Variants in TNFAIP8 observed in about 807,000 individuals in gnomAD.
TNFAIP8 encodes the protein tumor necrosis factor alpha-induced protein 8.
Under a neutral mutation model 13.3 loss-of-function variants are expected in TNFAIP8, and 7 were observed. That is an observed-to-expected ratio of 0.52 (90% CI 0.30 to 0.99). The LOEUF (loss-of-function observed/expected upper bound fraction) is 0.99. TNFAIP8 is among the 50% of genes least tolerant of loss of function. The pLI, the probability that TNFAIP8 is intolerant of heterozygous loss-of-function variation, is 0.07. For missense variants in TNFAIP8, 258 were observed against 236.9 expected (o/e 1.09, Z -0.58); for synonymous variants, 94 against 87.6 (o/e 1.07, Z -0.41).
chr5:119,362,925 A>T (rs886436293), intron 1 of TNFAIP8, among the ~76,000 whole-genome samples: 1 of 152,220 alleles, frequency 6.6e-6, no homozygotes, highest in Admixed American at 6.5e-5. Context: ...GAACCTGAGT[A>T]TAAGGAGCCT....
upstream of TNFAIP8, among the ~76,000 whole-genome samples, chr5:119,353,099 G>T (rs1751234649): frequency 6.6e-6 from 1 of 152,156 alleles, no homozygotes; most frequent in African/African-American, 2.4e-5. Flanking sequence ...TAACTTAGTT[G>T]CAATTTTGTA....
At chr5:119,335,323 C>A (rs1377560115) in intron 1 of TNFAIP8, among the ~76,000 whole-genome samples, 2 of 152,130 alleles carry the variant, frequency 1.3e-5, no homozygotes, top group African/African-American at 2.4e-5. Context: ...CTCCCCAAAT[C>A]ACATTAATTT....
intron 1 of TNFAIP8, chr5:119,306,359 A>G (rs1410849899): frequency 9.5e-6 from 1 of 105,180 alleles, no homozygotes; most frequent in African/African-American, 4.3e-5. Context: ...GGGTGTCTCT[A>G]TGTTTCCCAA....
chr5:119,320,849 C>A (rs1676439630), intron 1 of TNFAIP8, among the ~76,000 whole-genome samples: 1 of 151,966 alleles, frequency 6.6e-6, no homozygotes, highest in South Asian at 2.1e-4. Context: ...TGACTTTCTT[C>A]TTCATACTAC....
At chr5:119,379,854 A>G (rs965242875) in intron 1 of TNFAIP8, among the ~76,000 whole-genome samples, 2 of 151,750 alleles carry the variant, frequency 1.3e-5, no homozygotes, top group African/African-American at 4.8e-5. Flanking sequence ...CAGCCTCCCA[A>G]AGTGCTGGGA....
At chr5:119,333,420 T>C in intron 1 of TNFAIP8, 1 of 1,365,618 alleles carries the variant, frequency 7.3e-7, no homozygotes, top group Non-Finnish European at 9.4e-7. Context: ...TGTGCATTTA[T>C]GTGGTAAGCT....
At position 119,297,578 on chromosome 5, in the gene TNFAIP8, T is replaced by G. The variant is rs1749217112; in HGVS notation, c.1+28671T>G. Among the ~76,000 whole-genome samples the G allele has an allele frequency of 2.6e-5, 4 of 152,352 alleles. No homozygotes were observed. The South Asian group carries it at 8.3e-4, about 32-fold the overall frequency. Reference sequence around the variant, plus strand: ...GGTGTGGTGCTGAAAAAAATGTATATTCTGTTGATTCAGGGTGGAGAGTTC... The same window carrying G: ...GGTGTGGTGCTGAAAAAAATGTATAGTCTGTTGATTCAGGGTGGAGAGTTC... On this transcript the variant is annotated intron_variant, in intron 1 of 1. Coordinates refer to the TNFAIP8 transcript ENST00000274456.
intron 1 of TNFAIP8, among the ~76,000 whole-genome samples, chr5:119,298,522 C>G (rs1455805854): frequency 2.6e-4 from 40 of 151,492 alleles, no homozygotes; most frequent in African/African-American, 8.7e-4. Context: ...CGACCTTTCT[C>G]TCTGGCTGCC....
At chr5:119,333,553 C>T in intron 1 of TNFAIP8, 1 of 1,535,162 alleles carries the variant, frequency 6.5e-7, no homozygotes, top group Non-Finnish European at 8.7e-7. Flanking sequence ...TGCATGCATT[C>T]CTCAAGTCTG....
intron 1 of TNFAIP8, among the ~76,000 whole-genome samples, chr5:119,319,563 C>G (rs908831650): frequency 5.9e-5 from 9 of 152,038 alleles, no homozygotes; most frequent in Non-Finnish European, 1.3e-4. Flanking sequence ...GAGTTCTCTG[C>G]TAGAATTGGG....
rs1753041946 is a variant in TNFAIP8, at chr5:119,395,054, C to G, written c.*1673C>G. 6.6e-6 allele frequency: 1 copy of G among 152,302 alleles called. No homozygotes were observed. The highest frequency in any genetic ancestry group is 2.4e-5 in the African/African-American group (1 of 41,560). The allele number at this position is 152,302 out of a possible 1,614,324, so 9.4% of individuals were successfully genotyped here. A position where few individuals can be genotyped will look rare whatever the true frequency, so the allele number is the denominator to read the frequency against. ...TCAGCCTAGAGAGGGTGGTCAGTTT[C>G]TCTGACACCCTCATTTGCTTGGCTA... On this transcript the variant is annotated 3_prime_UTR_variant, in exon 2 of 2. Transcript: ENST00000504771.
At chr5:119,336,919 A>T (rs553804265) in intron 1 of TNFAIP8, among the ~76,000 whole-genome samples, 1 of 152,310 alleles carries the variant, frequency 6.6e-6, no homozygotes, top group Admixed American at 6.5e-5. Flanking sequence ...TTCTTGTTTT[A>T]CTTTGAAAAA....
chr5:119,302,754 A>G (rs1460300633), intron 1 of TNFAIP8, among the ~76,000 whole-genome samples: 1 of 152,226 alleles, frequency 6.6e-6, no homozygotes, highest in East Asian at 1.9e-4. Context: ...TTCACCTGCC[A>G]AAACAAGCAA....
At chr5:119,343,033 G>A (rs1173532112) in intron 1 of TNFAIP8, among the ~76,000 whole-genome samples, 1 of 152,170 alleles carries the variant, frequency 6.6e-6, no homozygotes, top group African/African-American at 2.4e-5. Context: ...GTTCTACAGT[G>A]GGCAGCCGCT....
upstream of TNFAIP8, chr5:119,354,929 A>T (rs1751322751): frequency 6.1e-6 from 1 of 164,108 alleles, no homozygotes; most frequent in Non-Finnish European, 1.3e-5. Flanking sequence ...ATAATTTCCA[A>T]GCGGATCTTT....
rs1752986278 is a variant in TNFAIP8 at position 119,393,600 on chromosome 5, G to C, written c.*219G>C. ...GTTAAAAGCTTCCTAACGGGTAACAGACCATGGGAGAGATATGTGGTTGGG... is the reference window on the plus strand; with the variant it reads ...GTTAAAAGCTTCCTAACGGGTAACACACCATGGGAGAGATATGTGGTTGGG... On this transcript the variant is annotated 3_prime_UTR_variant, in exon 2 of 2. Coordinates refer to ENST00000504771, the MANE Select transcript of TNFAIP8 (RefSeq NM_014350.4). The C allele has an allele frequency of 1.9e-6, 1 of 520,082 alleles. No homozygotes were observed. Among genetic ancestry groups the C allele is most frequent in the Admixed American group, 3.3e-5 (1 of 29,988 alleles). 32.2% of individuals were successfully genotyped at this position (520,082 alleles called of 1,614,324 possible). A position where few individuals can be genotyped will look rare whatever the true frequency, so the allele number is the denominator to read the frequency against.
At chr5:119,370,662 A>G (rs1176145883) in intron 1 of TNFAIP8, among the ~76,000 whole-genome samples, 2 of 152,244 alleles carry the variant, frequency 1.3e-5, no homozygotes, top group Non-Finnish European at 2.9e-5. Context: ...AGTGGTTACT[A>G]TGACCCAACA....
chr5:119,352,376 G>A (rs1441449801), upstream of TNFAIP8, among the ~76,000 whole-genome samples: 1 of 151,924 alleles, frequency 6.6e-6, no homozygotes, highest in African/African-American at 2.4e-5. Flanking sequence ...AGTTGAAGAA[G>A]GTCTCAAAGT....
At chr5:119,340,398 G>A (rs1212210520) in intron 1 of TNFAIP8, among the ~76,000 whole-genome samples, 1 of 152,226 alleles carries the variant, frequency 6.6e-6, no homozygotes, top group South Asian at 2.1e-4. Context: ...GGACCACTGT[G>A]CCCAAAGGCA....
Sources: gnomAD v4.1 joint callset for allele counts (sites outside exome capture counted in the v4.1 genomes callset) on GRCh38, gnomAD v4.1.1 for gene constraint, MANE v1.5 for transcripts, NCBI Gene and HGNC (gene_info 2026-07-23, HGNC 2026-07-21) for gene names.